Variants in RNF212 observed in about 807,000 individuals in gnomAD.
RNF212 encodes the protein ring finger protein 212.
A neutral mutation model predicts 34.7 loss-of-function variants in RNF212; 33 were observed. The observed-to-expected ratio is 0.95, with a 90% CI of 0.72 to 1.27. RNF212 has a LOEUF of 1.27. Ranked by LOEUF, RNF212 falls within the 50% of genes most tolerant of loss-of-function variation. The pLI, the probability that RNF212 is intolerant of heterozygous loss-of-function variation, is 0.00. For synonymous variants in RNF212, 140 were observed against 136.1 expected (o/e 1.03, Z -0.20); for missense variants, 377 against 362.2 (o/e 1.04, Z -0.33).
intron 7 of RNF212, 144 bp from the exon 8 acceptor site, chr4:1,079,832 G>A: frequency 1.5e-6 from 1 of 683,772 alleles, no homozygotes; most frequent in Non-Finnish European, 2.7e-6. Context: ...TAGCCACTTA[G>A]GCATCTGATC....
intron 4 of RNF212, among the ~76,000 whole-genome samples, chr4:1,088,668 T>C (rs983366296): frequency 1.3e-5 from 2 of 152,208 alleles, no homozygotes; most frequent in African/African-American, 4.8e-5. Context: ...CCTCCCATCA[T>C]AGGCCCAGAG....
chr4:1,099,940 G>A (rs2153058925), intron 2 of RNF212: 1 of 450,976 alleles, frequency 2.2e-6, no homozygotes, highest in South Asian at 1.6e-5. Flanking sequence ...GCAAAAGAGG[G>A]CTCTTATCAT....
chr4:1,108,344 T>C lies in RNF212; in HGVS notation c.170A>G (p.His57Arg), dbSNP rs374134594. ...CAGATACGACACATTTCAACTTACA[T>C]GCTTTGAAAGCAAAACTGTACGACA... ...APCRTVLLSK[H>R]TDADIQAFFM... The change falls in exon 2 of 10, where the codon CAT (histidine) becomes CGT (arginine). Residue 57 changes from histidine to arginine, a missense_variant and splice_region_variant. Physicochemically the swap from His to Arg is conservative, Grantham distance 29. Coordinates refer to ENST00000433731, the MANE Select transcript of RNF212 (RefSeq NM_001131034.4). 1 of 1,506,050 alleles carries C rather than the reference T, an allele frequency of 6.6e-7. No individual in the cohort carries two copies. Among genetic ancestry groups the C allele is most frequent in the South Asian group, 1.4e-5 (1 of 72,850 alleles). 93.3% of individuals were successfully genotyped at this position (1,506,050 alleles called of 1,614,324 possible).
At chr4:1,084,547 T>G (rs755344894) in intron 5 of RNF212, among the ~76,000 whole-genome samples, 1 of 151,630 alleles carries the variant, frequency 6.6e-6, no homozygotes, top group Non-Finnish European at 1.5e-5. Context: ...CTGGGTAACA[T>G]AGTGAGACCC....
chr4:1,097,326 C>T (rs555651441), intron 2 of RNF212, among the ~76,000 whole-genome samples: 3 of 152,242 alleles, frequency 2.0e-5, no homozygotes, highest in African/African-American at 4.8e-5. Context: ...TCTCGTAGGT[C>T]GGGAGCGGTG....
At chr4:1,081,737 A>G (rs1720387043) in intron 5 of RNF212, 118 bp from the exon 6 acceptor site, 2 of 734,536 alleles carry the variant, frequency 2.7e-6, no homozygotes, top group South Asian at 3.3e-5. Flanking sequence ...CTGGGTTTGC[A>G]AACGGCATTT....
chr4:1,098,386 AAAG>A (rs1723392365), intron 2 of RNF212, among the ~76,000 whole-genome samples: 1 of 152,242 alleles, frequency 6.6e-6, no homozygotes. Flanking sequence ...CACCAGCTCC[AAAG>A]CCTGGGGCAG....
upstream of RNF212, chr4:1,113,672 C>G (rs570236183): frequency 2.1e-6 from 1 of 474,416 alleles, no homozygotes; most frequent in Admixed American, 4.5e-5. Flanking sequence ...TGTGACTCGT[C>G]TCCCAGGTCG....
At chr4:1,090,528 GA>G (rs1663253433) in intron 4 of RNF212, among the ~76,000 whole-genome samples, 1 of 152,204 alleles carries the variant, frequency 6.6e-6, no homozygotes, top group Admixed American at 6.5e-5. Flanking sequence ...TGGCTGAGGG[GA>G]TAAGTGTGGC....
At position 1,081,424 on chromosome 4, in the gene RNF212, G is replaced by A. The variant is rs367993931; in HGVS notation, c.459C>T (p.Pro153=). Residue 153 remains proline (P), a synonymous_variant, in exon 7 of 10, where the codon CCC becomes CCT. Transcript: ENST00000433731. ...TCTGCAAGCAACCCACACACCTGTC[G>A]GGGGCTGATGAGTGAGGTGGCAGCA... The part of the protein sequence containing the change: ...GCLLPPHSSA[P]DRLESMEVDL... 111 of 1,613,472 alleles carry A rather than the reference G, an allele frequency of 6.9e-5. 2 individuals are homozygous for A. The highest frequency in any genetic ancestry group is 5.5e-4 in the South Asian group (50 of 91,070).
intron 3 of RNF212, among the ~76,000 whole-genome samples, chr4:1,092,678 T>C (rs920931344): frequency 1.3e-5 from 2 of 152,208 alleles, no homozygotes; most frequent in African/African-American, 2.4e-5. Context: ...AATGAAATCA[T>C]TGCAAAACTC....
At chr4:1,081,285 G>A in intron 7 of RNF212, 134 bp downstream of exon 7, 3 of 750,212 alleles carry the variant, frequency 4.0e-6, no homozygotes, top group Non-Finnish European at 4.7e-6. Context: ...GTACCAAAAT[G>A]AGTTCATGTC....
At chr4:1,075,950 C>T (rs1340686987) in intron 8 of RNF212, among the ~76,000 whole-genome samples, 1 of 152,226 alleles carries the variant, frequency 6.6e-6, no homozygotes, top group Non-Finnish European at 1.5e-5. Flanking sequence ...GCGTGAGGTA[C>T]TGTGTCTGGC....
chr4:1,087,702 C>A (rs768194394), intron 4 of RNF212, among the ~76,000 whole-genome samples: 37 of 151,342 alleles, frequency 2.4e-4, no homozygotes, highest in Non-Finnish European at 4.7e-4. Flanking sequence ...AAATTGTAAT[C>A]CCATGTGTCA....
chr4:1,092,336 C>T (rs1722316004), intron 3 of RNF212, among the ~76,000 whole-genome samples: 1 of 152,152 alleles, frequency 6.6e-6, no homozygotes, highest in Admixed American at 6.5e-5. Flanking sequence ...CCAAGGGGAC[C>T]TGAGCAGCAG....
chr4:1,069,913 A>C (rs1329576747), downstream of RNF212, among the ~76,000 whole-genome samples: 1 of 152,184 alleles, frequency 6.6e-6, no homozygotes, highest in East Asian at 1.9e-4. Flanking sequence ...GAGAAGAAAA[A>C]CTCTGTGGTG....
intron 1 of RNF212, among the ~76,000 whole-genome samples, chr4:1,109,365 C>G (rs978341581): frequency 6.6e-6 from 1 of 152,132 alleles, no homozygotes; most frequent in African/African-American, 2.4e-5. Context: ...TCAAAATGAA[C>G]CTCAAGCTTG....
intron 2 of RNF212, among the ~76,000 whole-genome samples, chr4:1,108,037 T>C (rs1725092032): frequency 6.6e-6 from 1 of 152,194 alleles, no homozygotes; most frequent in Admixed American, 6.5e-5. Flanking sequence ...CCTATACAAA[T>C]CCAAACTCTA....
chr4:1,075,346 T>C (rs1270809927), intron 8 of RNF212, among the ~76,000 whole-genome samples: 1 of 152,260 alleles, frequency 6.6e-6, no homozygotes, highest in Non-Finnish European at 1.5e-5. Flanking sequence ...AACTGGCTCA[T>C]GCTTCTGAGG....
Sources: allele counts gnomAD v4.1 joint callset (sites outside exome capture counted in the v4.1 genomes callset), GRCh38; gene constraint gnomAD v4.1.1; transcripts MANE v1.5; gene names NCBI Gene and HGNC (gene_info 2026-07-23, HGNC 2026-07-21).